Variants in CPEB3 observed in about 807,000 individuals in gnomAD.
CPEB3 encodes cytoplasmic polyadenylation element-binding protein 3.
CPEB3 carries 20 observed loss-of-function variants against 67.2 expected under a neutral mutation model. The ratio of observed to expected loss-of-function variants is 0.30; its 90% CI spans 0.21 to 0.43. The LOEUF (loss-of-function observed/expected upper bound fraction) is 0.43, where lower values mean the gene tolerates loss of function less well. Among genes scored for constraint, CPEB3 ranks in the 20% least tolerant of loss-of-function variants. The probability of loss-of-function intolerance (pLI) is 1.00; values close to 1 mark genes in which losing one functional copy is unlikely to be tolerated. For missense variants in CPEB3, 746 were observed against 968.6 expected, an observed-to-expected ratio of 0.77 and a Z score of 3.05; for synonymous variants, 376 against 393.1, an observed-to-expected ratio of 0.96 and a Z score of 0.51.
At chr10:92,105,043 G>A (rs1468127791) in intron 7 of CPEB3, among the ~76,000 whole-genome samples, 2 of 152,026 alleles carry the variant, frequency 1.3e-5, no homozygotes, top group African/African-American at 4.8e-5. Flanking sequence ...TGAGATTACA[G>A]GCAAGAGCCA....
chr10:92,098,497 C>T (rs958652828), intron 7 of CPEB3, among the ~76,000 whole-genome samples: 5 of 151,926 alleles, frequency 3.3e-5, no homozygotes, highest in Admixed American at 3.3e-4. Flanking sequence ...TTAGTAGAGA[C>T]GGGGTTTCTC....
At chr10:92,273,205 T>G (rs1227807207) in intron 1 of CPEB3, among the ~76,000 whole-genome samples, 25 of 152,164 alleles carry the variant, frequency 1.6e-4, no homozygotes, top group Non-Finnish European at 1.5e-5. Context: ...TTTTATTTTT[T>G]CCCATCTATG....
intron 1 of CPEB3, among the ~76,000 whole-genome samples, chr10:92,258,611 A>T: frequency 8.3e-6 from 1 of 120,998 alleles, no homozygotes; most frequent in Non-Finnish European, 1.6e-5. Context: ...TCCAGACTTC[A>T]ATTATATTTT....
At chr10:92,110,361 T>A (rs1844675479) in intron 7 of CPEB3, among the ~76,000 whole-genome samples, 1 of 152,176 alleles carries the variant, frequency 6.6e-6, no homozygotes, top group African/African-American at 2.4e-5. Context: ...CCCTGCCAAC[T>A]TCCCACAGAT....
intron 1 of CPEB3, among the ~76,000 whole-genome samples, chr10:92,260,412 G>A (rs964477060): frequency 1.3e-5 from 2 of 152,034 alleles, no homozygotes; most frequent in East Asian, 2.0e-4. Context: ...TTAGCCAGGT[G>A]TGGTGGCATG....
intron 3 of CPEB3, among the ~76,000 whole-genome samples, chr10:92,182,304 G>T (rs535758187): frequency 1.3e-5 from 2 of 152,320 alleles, no homozygotes; most frequent in Admixed American, 6.5e-5. Flanking sequence ...AAGAGTCAGT[G>T]ATCATTTGAT....
intron 9 of CPEB3, among the ~76,000 whole-genome samples, chr10:92,068,476 A>C (rs1257372383): frequency 6.6e-6 from 1 of 152,202 alleles, no homozygotes; most frequent in Non-Finnish European, 1.5e-5. Flanking sequence ...AACAAGTAGG[A>C]ATAAGCACTC....
At chr10:92,133,250 A>G (rs1191761023) in intron 6 of CPEB3, among the ~76,000 whole-genome samples, 1 of 152,210 alleles carries the variant, frequency 6.6e-6, no homozygotes, top group Non-Finnish European at 1.5e-5. Flanking sequence ...TGAAAAGATC[A>G]ACAAAATTGA....
At chr10:92,188,148 A>AT (rs993122120) in intron 3 of CPEB3, among the ~76,000 whole-genome samples, 35 of 152,132 alleles carry the variant, frequency 2.3e-4, no homozygotes, top group Non-Finnish European at 4.9e-4. Context: ...GTGAGCCAAG[A>AT]TTGTGCCACT....
intron 1 of CPEB3, among the ~76,000 whole-genome samples, chr10:92,249,176 A>G (rs1852188664): frequency 6.6e-6 from 1 of 152,088 alleles, no homozygotes; most frequent in Non-Finnish European, 1.5e-5. Flanking sequence ...CAGGAGATTG[A>G]GACCATCCTG....
chr10:92,113,469 C>T (rs1193476649), intron 6 of CPEB3, among the ~76,000 whole-genome samples: 2 of 152,162 alleles, frequency 1.3e-5, no homozygotes, highest in African/African-American at 4.8e-5. Flanking sequence ...TTCAAACCTC[C>T]TCTCTTACCA....
intron 1 of CPEB3, among the ~76,000 whole-genome samples, chr10:92,288,801 C>G (rs11186897): frequency 0.22 from 33,798 of 152,136 alleles, 4,718 homozygotes; most frequent in Middle Eastern, 0.34. Context: ...GGAGTTTGTA[C>G]TAGTGTACTT....
At chr10:92,106,538 G>A (rs1017314161) in intron 7 of CPEB3, among the ~76,000 whole-genome samples, 3 of 152,140 alleles carry the variant, frequency 2.0e-5, no homozygotes, top group Admixed American at 1.3e-4. Flanking sequence ...TGGGAGGCCA[G>A]GTGCGGTGGC....
intron 1 of CPEB3, among the ~76,000 whole-genome samples, chr10:92,274,203 A>T (rs1841873151): frequency 6.6e-6 from 1 of 152,214 alleles, no homozygotes; most frequent in South Asian, 2.1e-4. Context: ...GAGATAATGC[A>T]TGTGAAGGGC....
At chr10:92,065,219 A>C (rs1268811600) in intron 9 of CPEB3, among the ~76,000 whole-genome samples, 1 of 152,076 alleles carries the variant, frequency 6.6e-6, no homozygotes, top group African/African-American at 2.4e-5. Context: ...TTACTTTTTA[A>C]TTTTTAATTT....
rs560499255 is a variant in CPEB3 at position 92,229,783 on chromosome 10, G to A, written c.1005+9563C>T. ...GAACGGGCCAGGCGCAGTGGCTTAC[G>A]CCTATAATCCCAACACTTTGGGAGG... is the stretch of plus-strand genomic sequence containing the variant. On this transcript the variant is annotated intron_variant, in intron 2 of 9. Coordinates refer to ENST00000265997, the MANE Select transcript of CPEB3 (RefSeq NM_014912.5). Among the ~76,000 whole-genome samples, 5 of 152,262 alleles carry A rather than the reference G, an allele frequency of 3.3e-5. No homozygotes were observed. The South Asian group carries it at 6.2e-4, about 19-fold the overall frequency.
intron 7 of CPEB3, among the ~76,000 whole-genome samples, chr10:92,104,851 C>T (rs1253761565): frequency 6.6e-6 from 1 of 151,960 alleles, no homozygotes; most frequent in African/African-American, 2.4e-5. Flanking sequence ...AAAGAAATTC[C>T]TTCTTTGAAG....
intron 2 of CPEB3, among the ~76,000 whole-genome samples, chr10:92,234,319 T>C (rs1851422169): frequency 1.3e-5 from 2 of 152,140 alleles, no homozygotes; most frequent in African/African-American, 2.4e-5. Context: ...AAGTAAAATA[T>C]GTAAAGTAAA....
chr10:92,159,311 T>C (rs1847355065), intron 4 of CPEB3, among the ~76,000 whole-genome samples: 1 of 151,798 alleles, frequency 6.6e-6, no homozygotes, highest in Non-Finnish European at 1.5e-5. Context: ...GTCACACAAC[T>C]AGCTTATACT....
Sources: gnomAD v4.1 joint callset for allele counts (sites outside exome capture counted in the v4.1 genomes callset) on GRCh38, gnomAD v4.1.1 for gene constraint, MANE v1.5 for transcripts, NCBI Gene and HGNC (gene_info 2026-07-23, HGNC 2026-07-21) for gene names.